MBD2: variants seen among roughly 807,000 people sequenced by gnomAD.
The protein encoded by MBD2 is methyl-CpG-binding domain protein 2.
MBD2 carries 9 observed loss-of-function variants against 39.3 expected under a neutral mutation model. The observed-to-expected ratio is 0.23, with a 90% CI of 0.14 to 0.40. The LOEUF is 0.40. Among genes scored for constraint, MBD2 ranks in the 10% least tolerant of loss-of-function variants. MBD2 has a pLI of 1.00. For synonymous variants in MBD2, 233 were observed against 211.1 expected, an observed-to-expected ratio of 1.10 and a Z score of -0.90; for missense variants, 458 against 532.6, an observed-to-expected ratio of 0.86 and a Z score of 1.38.
intron 2 of MBD2, among the ~76,000 whole-genome samples, chr18:54,196,295 C>T (rs1599096035): frequency 6.6e-6 from 1 of 152,062 alleles, no homozygotes; most frequent in Non-Finnish European, 1.5e-5. Context: ...ATGGAGTATA[C>T]TTTGAGCTCA....
chr18:54,164,728 AG>A lies in MBD2; in HGVS notation c.932-29del, dbSNP rs745550805. On this transcript the variant is annotated intron_variant, in intron 4 of 6. Coordinates refer to ENST00000256429, the MANE Select transcript of MBD2 (RefSeq NM_003927.5). ...GCAATGAGAAACAAGTACTAGTTAA[AG>A]GAAATGTCTCAATGTGCTGAGCAAA... The A allele has an allele frequency of 3.2e-6, 5 of 1,578,482 alleles. No individual in the cohort carries two copies. In the East Asian group the frequency reaches 1.1e-4, roughly 36 times the overall value.
chr18:54,174,614 T>C lies in MBD2; in HGVS notation c.841-8448A>G, dbSNP rs2086198709. Among the ~76,000 whole-genome samples the C allele has an allele frequency of 2.0e-5, 3 of 152,230 alleles. No individual in the cohort carries two copies. The South Asian group carries it at 6.2e-4, about 32-fold the overall frequency. On this transcript the variant is annotated intron_variant, in intron 3 of 6. Transcript: ENST00000256429. ...CTTACCTCAGAAAGTTGATAGTCAATGTATTTGCTGCTAGAAATGTGGTTG... is the reference window on the plus strand; with the variant it reads ...CTTACCTCAGAAAGTTGATAGTCAACGTATTTGCTGCTAGAAATGTGGTTG...
chr18:54,224,209 ACCGCTGCCGCCGCCGCCGCAGCCG>A lies in MBD2; in HGVS notation c.327_350del (p.Cys111_Gly118del). On this transcript the variant is annotated inframe_deletion, in exon 1 of 7. Coordinates refer to ENST00000256429, the MANE Select transcript of MBD2 (RefSeq NM_003927.5). ...GCTCCCGCCGGGGGGCGCCGCCGCC[ACCGCTGCCGCCGCCGCCGCAGCCG>A]CCGCCGTCGCCGCCAAGGCCGCTGC... 1 of 1,160,790 alleles carries A rather than the reference ACCGCTGCCGCCGCCGCCGCAGCCG, an allele frequency of 8.6e-7. No individual in the cohort carries two copies. Among genetic ancestry groups the A allele is most frequent in the Non-Finnish European group, 1.1e-6 (1 of 945,634 alleles). The allele number at this position is 1,160,790 out of a possible 1,614,324, so 71.9% of individuals were successfully genotyped here. A position where few individuals can be genotyped will look rare whatever the true frequency, so the allele number is the denominator to read the frequency against.
intron 3 of MBD2, among the ~76,000 whole-genome samples, chr18:54,172,590 A>T (rs1363563684): frequency 6.6e-6 from 1 of 152,196 alleles, no homozygotes; most frequent in African/African-American, 2.4e-5. Flanking sequence ...GATTTTCATT[A>T]ATCATTATAT....
chr18:54,214,510 T>C lies in MBD2; in HGVS notation c.543-9353A>G, dbSNP rs185450215. Among the ~76,000 whole-genome samples the C allele has an allele frequency of 8.0e-4, 119 of 148,678 alleles. 1 individual carries two copies. The East Asian group carries it at 0.021, about 27-fold the overall frequency. On this transcript the variant is annotated intron_variant, in intron 1 of 6. Coordinates refer to ENST00000256429, the MANE Select transcript of MBD2 (RefSeq NM_003927.5). ...CAGCATACCTGACCTATGCATAATA[T>C]TTTTTTAAAACTCTGAGGAACCTTT...
intron 1 of MBD2, among the ~76,000 whole-genome samples, chr18:54,209,326 G>C (rs2086480682): frequency 6.7e-6 from 1 of 148,450 alleles, no homozygotes; most frequent in Admixed American, 6.7e-5. Flanking sequence ...AAAAAGGAAG[G>C]TATTTATTAT....
chr18:54,165,139 T>C (rs1467282782), intron 4 of MBD2, among the ~76,000 whole-genome samples: 1 of 152,220 alleles, frequency 6.6e-6, no homozygotes, highest in African/African-American at 2.4e-5. Context: ...ACTGGTATAG[T>C]CTCTCCTTGT....
At position 54,224,568 on chromosome 18, in the gene MBD2, C is replaced by G; in HGVS notation, c.-9G>C. On this transcript the variant is annotated 5_prime_UTR_variant, in exon 1 of 7. Coordinates refer to ENST00000256429, the MANE Select transcript of MBD2 (RefSeq NM_003927.5). ...CCCGGGTGCGCGCGCATCCAGCCCC[C>G]TCCCCAGCCGGCGCTGCGCTTCTTC... 1 of 1,224,544 alleles carries G rather than the reference C, an allele frequency of 8.2e-7. No homozygotes were observed. The highest frequency in any genetic ancestry group is 4.1e-5 in the South Asian group (1 of 24,412). The allele number at this position is 1,224,544 out of a possible 1,614,324, so 75.9% of individuals were successfully genotyped here.
chr18:54,171,262 G>A (rs908318692), intron 3 of MBD2, among the ~76,000 whole-genome samples: 3 of 151,992 alleles, frequency 2.0e-5, no homozygotes, highest in Admixed American at 2.0e-4. Context: ...TTAGCTGGGC[G>A]TGGTGGCGCA....
chr18:54,161,927 C>A (rs1019540387), intron 5 of MBD2, among the ~76,000 whole-genome samples: 2 of 152,140 alleles, frequency 1.3e-5, no homozygotes, highest in Admixed American at 6.6e-5. Flanking sequence ...CTTAGTGGAG[C>A]TGGGATCTTC....
At chr18:54,200,731 T>C (rs2086400429) in intron 2 of MBD2, among the ~76,000 whole-genome samples, 1 of 152,212 alleles carries the variant, frequency 6.6e-6, no homozygotes, top group Non-Finnish European at 1.5e-5. Context: ...CAAAGCTCCG[T>C]GCTGTTCAAT....
At chr18:54,156,809 C>T (rs1288627378) in intron 6 of MBD2, among the ~76,000 whole-genome samples, 2 of 152,028 alleles carry the variant, frequency 1.3e-5, no homozygotes, top group Non-Finnish European at 2.9e-5. Context: ...GCTGAGATTG[C>T]ACCCCTGTAC....
At chr18:54,177,202 C>T (rs915337102) in intron 3 of MBD2, among the ~76,000 whole-genome samples, 1 of 152,180 alleles carries the variant, frequency 6.6e-6, no homozygotes, top group African/African-American at 2.4e-5. Context: ...CACTACTTTT[C>T]ACATATTTGT....
chr18:54,170,545 T>C (rs997460560), intron 3 of MBD2, among the ~76,000 whole-genome samples: 1 of 152,220 alleles, frequency 6.6e-6, no homozygotes, highest in Non-Finnish European at 1.5e-5. Context: ...AAGAGATTTG[T>C]ACTCTTTAGT....
chr18:54,206,224 T>C (rs1225475156), intron 1 of MBD2, among the ~76,000 whole-genome samples: 2 of 152,216 alleles, frequency 1.3e-5, no homozygotes, highest in Non-Finnish European at 2.9e-5. Flanking sequence ...CTGCCAAAGC[T>C]GGAAAGTTAC....
chr18:54,201,718 C>T (rs547255146), intron 2 of MBD2, among the ~76,000 whole-genome samples: 2 of 152,118 alleles, frequency 1.3e-5, no homozygotes, highest in South Asian at 2.1e-4. Flanking sequence ...AAGAAATTAG[C>T]CGGGCGTGGT....
Position 54,223,965 on chromosome 18 carries a change from A to G in MBD2, c.542+53T>C, listed in dbSNP as rs1191604262. 8 of 1,408,540 alleles carry G rather than the reference A, an allele frequency of 5.7e-6. No individual in the cohort carries two copies. The East Asian group carries it at 1.6e-4, about 28-fold the overall frequency. The allele number at this position is 1,408,540 out of a possible 1,614,324, so 87.3% of individuals were successfully genotyped here. ...CATCCTCTGCCCAGGCCCGCTCTTGACCCCTGACCCCGGCCTGACCCCGCC... is the reference window on the plus strand; with the variant it reads ...CATCCTCTGCCCAGGCCCGCTCTTGGCCCCTGACCCCGGCCTGACCCCGCC... On this transcript the variant is annotated intron_variant, in intron 1 of 6. Coordinates refer to ENST00000256429, the MANE Select transcript of MBD2 (RefSeq NM_003927.5).
At position 54,159,420 on chromosome 18, in the gene MBD2, CT is replaced by C. The variant is rs112503497; in HGVS notation, c.*12+344del. On this transcript the variant is annotated intron_variant, in intron 6 of 6. Coordinates refer to ENST00000256429, the MANE Select transcript of MBD2 (RefSeq NM_003927.5). ...AAATAACAAGAAAATACAGCGACAC[CT>C]TTTTTTTTTTTTCTGAGATGGGGTT... 8.5e-3 allele frequency among the ~76,000 whole-genome samples: 1,232 copies of C among 145,444 alleles called. 14 individuals are homozygous for C. The highest frequency in any genetic ancestry group is 0.025 in the African/African-American group (990 of 40,008).
At chr18:54,204,880 A>G in intron 2 of MBD2, 118 bp downstream of exon 2, 2 of 875,478 alleles carry the variant, frequency 2.3e-6, no homozygotes, top group Admixed American at 4.2e-5. Context: ...TGGGCAGGGT[A>G]TGGGGACATG....
Sources: allele counts gnomAD v4.1 joint callset (sites outside exome capture counted in the v4.1 genomes callset), GRCh38; gene constraint gnomAD v4.1.1; transcripts MANE v1.5; gene names NCBI Gene and HGNC (gene_info 2026-07-23, HGNC 2026-07-21).